PCDHGA3: variants seen among roughly 807,000 people sequenced by gnomAD.
PCDHGA3 encodes the protein protocadherin gamma-A3.
A neutral mutation model predicts 58.5 loss-of-function variants in PCDHGA3; 40 were observed. The ratio of observed to expected loss-of-function variants is 0.68; its 90% CI spans 0.53 to 0.89. The LOEUF (loss-of-function observed/expected upper bound fraction) is 0.89. Ranked by LOEUF, PCDHGA3 falls within the 40% of genes least tolerant of loss-of-function variation. The probability of loss-of-function intolerance (pLI) is 0.00; values close to 1 mark genes in which losing one functional copy is unlikely to be tolerated. For synonymous variants in PCDHGA3, 530 were observed against 525.7 expected, an observed-to-expected ratio of 1.01 and a Z score of -0.11; for missense variants, 1,223 against 1,195.9, an observed-to-expected ratio of 1.02 and a Z score of -0.33.
intron 1 of PCDHGA3, among the ~76,000 whole-genome samples, chr5:141,452,815 A>G (rs1199990390): frequency 6.6e-6 from 1 of 152,186 alleles, no homozygotes; most frequent in Admixed American, 6.5e-5. Flanking sequence ...TTTGTTCATA[A>G]GAAGCAAAAT....
chr5:141,496,140 T>C (rs1172903212), intron 2 of PCDHGA3, among the ~76,000 whole-genome samples: 1 of 152,006 alleles, frequency 6.6e-6, no homozygotes, highest in Admixed American at 6.6e-5. Flanking sequence ...CACTGAGCCT[T>C]TGATCGCAGC....
At chr5:141,439,266 G>A (rs1314903524) in intron 1 of PCDHGA3, among the ~76,000 whole-genome samples, 1 of 151,952 alleles carries the variant, frequency 6.6e-6, no homozygotes, top group Non-Finnish European at 1.5e-5. Context: ...TCAGCCAACA[G>A]TTCATTCTGA....
Position 141,486,638 on chromosome 5 carries a change from C to T in PCDHGA3, c.2425-8169C>T, listed in dbSNP as rs753730551. 5.6e-6 allele frequency: 9 copies of T among 1,613,700 alleles called. No homozygotes were observed. In the East Asian group the frequency reaches 8.9e-5, roughly 16 times the overall value. On this transcript the variant is annotated intron_variant, in intron 1 of 3. Coordinates refer to ENST00000253812, the MANE Select transcript of PCDHGA3 (RefSeq NM_018916.4). This position sits in a 1 kb window ranked among gnomAD's most constrained non-coding sequence, Gnocchi z 5.0. The stretch of plus-strand genomic sequence containing the variant: ...TGACCCAGACTCTGGCTTGAATGCG[C>T]TTATCTCCTACTCACTCCTGGAGCC...
intron 1 of PCDHGA3, among the ~76,000 whole-genome samples, chr5:141,386,359 C>A (rs566341507): frequency 6.6e-6 from 1 of 152,014 alleles, no homozygotes; most frequent in African/African-American, 2.4e-5. Flanking sequence ...AATCTTGATT[C>A]CAGAGACCTT....
rs1156927948 is a variant in PCDHGA3, at chr5:141,490,342, G to A, written c.2425-4465G>A. 16 of 1,614,126 alleles carry A rather than the reference G, an allele frequency of 9.9e-6. 1 individual carries two copies. In the Admixed American group the frequency reaches 1.3e-4, roughly 13 times the overall value. ...CCTAGAGAGCACACCAGTGGGCACA[G>A]TAGTGGGGTTGTTTAATGTGCGAGA... On this transcript the variant is annotated intron_variant, in intron 1 of 3. Coordinates refer to ENST00000253812, the MANE Select transcript of PCDHGA3 (RefSeq NM_018916.4). This position sits in a 1 kb window ranked among gnomAD's most constrained non-coding sequence, Gnocchi z 5.4.
At chr5:141,413,364 G>A (rs759265336) in intron 1 of PCDHGA3, 14 of 1,613,870 alleles carry the variant, frequency 8.7e-6, no homozygotes, top group African/African-American at 5.3e-5. Flanking sequence ...CCCGGGAGCT[G>A]GCGGAGCGCG....
chr5:141,356,654 C>T (rs771447398), intron 1 of PCDHGA3: 2 of 1,614,016 alleles, frequency 1.2e-6, no homozygotes, highest in Non-Finnish European at 1.7e-6. Context: ...GGTGACAATG[C>T]CCGAATCACT....
intron 1 of PCDHGA3, among the ~76,000 whole-genome samples, chr5:141,451,542 G>A (rs1023356681): frequency 3.3e-5 from 5 of 152,148 alleles, no homozygotes; most frequent in Non-Finnish European, 7.3e-5. Context: ...GCCAGAGAGG[G>A]CAAATGTGAT....
At position 141,357,427 on chromosome 5, in the gene PCDHGA3, G is replaced by A. The variant is rs746353389; in HGVS notation, c.2424+10970G>A. The A allele has an allele frequency of 6.8e-6, 11 of 1,614,110 alleles. No homozygotes were observed. Among genetic ancestry groups the A allele is most frequent in the East Asian group, 2.2e-5 (1 of 44,884 alleles). On this transcript the variant is annotated intron_variant, in intron 1 of 3. Transcript: ENST00000253812. ...TGTGCCTGCCTCGCACTTTGTGGGCGTGGACGGGGTTCGGGCTTTCCTGCA... is the reference window on the plus strand; with the variant it reads ...TGTGCCTGCCTCGCACTTTGTGGGCATGGACGGGGTTCGGGCTTTCCTGCA...
chr5:141,383,097 C>T, intron 1 of PCDHGA3: 1 of 1,613,998 alleles, frequency 6.2e-7, no homozygotes, highest in Non-Finnish European at 8.5e-7. Context: ...GAGTCCGCAT[C>T]ATCTCCAGAG....
At position 141,385,291 on chromosome 5, in the gene PCDHGA3, C is replaced by T. The variant is rs375490912; in HGVS notation, c.2424+38834C>T. On this transcript the variant is annotated intron_variant, in intron 1 of 3. Coordinates refer to ENST00000253812, the MANE Select transcript of PCDHGA3 (RefSeq NM_018916.4). ...TTCTTTGCTAACATCCGTAGATTTT[C>T]AGGAATGTAAAGAAAACCTGCCAAG... 1.3e-5 allele frequency: 21 copies of T among 1,613,668 alleles called. No individual in the cohort carries two copies. In the African/African-American group the frequency reaches 2.7e-4, roughly 20 times the overall value.
At position 141,399,778 on chromosome 5, in the gene PCDHGA3, C is replaced by T. The variant is rs187080333; in HGVS notation, c.2424+53321C>T. 2.5e-6 allele frequency: 4 copies of T among 1,613,250 alleles called. No individual in the cohort carries two copies. The South Asian group carries it at 3.3e-5, about 13-fold the overall frequency. On this transcript the variant is annotated intron_variant, in intron 1 of 3. Transcript: ENST00000253812. ...GAGCCTGCGCGTGTTGGTGGGCGAC[C>T]GAAACGACAACGCACCGCGGGTGCT...
chr5:141,410,119 C>T (rs1306210256), intron 1 of PCDHGA3: 2 of 1,612,822 alleles, frequency 1.2e-6, no homozygotes, highest in Middle Eastern at 1.7e-4. Flanking sequence ...ACGCAGCCCG[C>T]CAGCGCCTGC....
chr5:141,415,080 C>T (rs1426953509), intron 1 of PCDHGA3: 1 of 1,613,526 alleles, frequency 6.2e-7, no homozygotes, highest in African/African-American at 1.3e-5. Context: ...CGGCGCGAGC[C>T]CTGCTGGACA....
At position 141,481,719 on chromosome 5, in the gene PCDHGA3, G is replaced by A. The variant is rs1055207250; in HGVS notation, c.2425-13088G>A. On this transcript the variant is annotated intron_variant, in intron 1 of 3. Coordinates refer to ENST00000253812, the MANE Select transcript of PCDHGA3 (RefSeq NM_018916.4). ...CTGTAATCCCAGCACTTTGGGAGGC[G>A]GAGGCGGGCGGATCACGAGGTCAGG... 5.3e-5 allele frequency among the ~76,000 whole-genome samples: 8 copies of A among 151,716 alleles called. No homozygotes were observed. In the East Asian group the frequency reaches 9.7e-4, roughly 18 times the overall value.
chr5:141,349,377 A>G (rs1008003671), intron 1 of PCDHGA3, among the ~76,000 whole-genome samples: 2 of 152,110 alleles, frequency 1.3e-5, no homozygotes, highest in African/African-American at 4.8e-5. Context: ...AGTATTTAAT[A>G]TACATTCATA....
chr5:141,351,253 A>G lies in PCDHGA3; in HGVS notation c.2424+4796A>G, dbSNP rs570182681. ...ACACAGCTCACTGTAATGTTCAAAT[A>G]GAAATTGTTGACGAGAATGACAATG... is the stretch of plus-strand genomic sequence containing the variant. On this transcript the variant is annotated intron_variant, in intron 1 of 3. Coordinates refer to ENST00000253812, the MANE Select transcript of PCDHGA3 (RefSeq NM_018916.4). The G allele has an allele frequency of 6.2e-6, 10 of 1,614,014 alleles. No homozygotes were observed. In the South Asian group the frequency reaches 1.1e-4, roughly 18 times the overall value.
intron 1 of PCDHGA3, chr5:141,422,258 A>G (rs2096637047): frequency 6.4e-7 from 1 of 1,565,282 alleles, no homozygotes; most frequent in East Asian, 2.2e-5. Flanking sequence ...GTGAATGATA[A>G]CGCTCCAGAA....
intron 1 of PCDHGA3, chr5:141,372,940 T>G: frequency 1.2e-6 from 1 of 817,644 alleles, no homozygotes; most frequent in Non-Finnish European, 1.8e-6. Flanking sequence ...TAGAGTAGGG[T>G]GTCTAGGAAA....
Sources: gnomAD v4.1 joint callset for allele counts (sites outside exome capture counted in the v4.1 genomes callset) on GRCh38, gnomAD v4.1.1 for gene constraint, Gnocchi (gnomAD v3.1) non-coding constraint, MANE v1.5 for transcripts, NCBI Gene and HGNC (gene_info 2026-07-23, HGNC 2026-07-21) for gene names.